RALGAPA2: variants seen among roughly 807,000 people sequenced by gnomAD.
RALGAPA2 encodes Ral GTPase activating protein catalytic subunit alpha 2.
RALGAPA2 carries 139 observed loss-of-function variants against 230.4 expected under a neutral mutation model. The ratio of observed to expected loss-of-function variants is 0.60; its 90% CI spans 0.53 to 0.69. The LOEUF (loss-of-function observed/expected upper bound fraction) is 0.69, where lower values mean the gene tolerates loss of function less well. Among genes scored for constraint, RALGAPA2 ranks in the 30% least tolerant of loss-of-function variants. The pLI, the probability that RALGAPA2 is intolerant of heterozygous loss-of-function variation, is 0.00. For missense variants in RALGAPA2, 2,163 were observed against 2,276.0 expected (o/e 0.95, Z 1.01); for synonymous variants, 847 against 837.8 (o/e 1.01, Z -0.19).
At chr20:20,409,184 C>T (rs2122744370) in intron 38 of RALGAPA2, among the ~76,000 whole-genome samples, 1 of 152,276 alleles carries the variant, frequency 6.6e-6, no homozygotes. Flanking sequence ...GGGCATTTTC[C>T]AACAGTGGAA....
chr20:20,515,285 A>G (rs1383562046), intron 31 of RALGAPA2, among the ~76,000 whole-genome samples: 2 of 152,222 alleles, frequency 1.3e-5, no homozygotes, highest in Non-Finnish European at 2.9e-5. Context: ...GCATAGGGCT[A>G]TAGAAGCAAA....
chr20:20,487,084 C>G (rs534620862), intron 36 of RALGAPA2, among the ~76,000 whole-genome samples: 1 of 135,588 alleles, frequency 7.4e-6, no homozygotes, highest in Non-Finnish European at 1.7e-5. Flanking sequence ...TTGATGCCTG[C>G]TCTGTCTCTT....
At position 20,412,117 on chromosome 20, in the gene RALGAPA2, T is replaced by C; in HGVS notation, c.5527A>G (p.Ile1843Val). Residue 1843 changes from isoleucine to valine, a missense_variant, in exon 38 of 40, where the codon ATA becomes GTA. Transcript: ENST00000202677. ...YEERALYLEA[I>V]IQNHREVMTF... ...ATTACTTCGCGGTGGTTCTGAATTA[T>C]TGCTTCGAGATACAGAGCTCGCTCT... 1 of 1,613,958 alleles carries C rather than the reference T, an allele frequency of 6.2e-7. No homozygotes were observed. Among genetic ancestry groups the C allele is most frequent in the Middle Eastern group, 1.7e-4 (1 of 6,060 alleles).
At chr20:20,421,849 T>A (rs2060282586) in intron 37 of RALGAPA2, among the ~76,000 whole-genome samples, 1 of 152,194 alleles carries the variant, frequency 6.6e-6, no homozygotes, top group African/African-American at 2.4e-5. Context: ...ATAGGAGCAT[T>A]ATTATTTACA....
chr20:20,425,934 T>A (rs1295926070), intron 37 of RALGAPA2, among the ~76,000 whole-genome samples: 1 of 152,210 alleles, frequency 6.6e-6, no homozygotes, highest in African/African-American at 2.4e-5. Flanking sequence ...CTGGCTCACT[T>A]AGGAAGAAGC....
intron 9 of RALGAPA2, among the ~76,000 whole-genome samples, chr20:20,635,070 T>A (rs757846069): frequency 6.6e-6 from 1 of 152,164 alleles, no homozygotes; most frequent in Non-Finnish European, 1.5e-5. Flanking sequence ...TTCCAGCTAC[T>A]GGGGCTTGGT....
At chr20:20,407,598 G>A (rs1288909844) in intron 38 of RALGAPA2, among the ~76,000 whole-genome samples, 1 of 152,172 alleles carries the variant, frequency 6.6e-6, no homozygotes, top group South Asian at 2.1e-4. Context: ...ATTTGCTTTG[G>A]GGCGAATGTG....
chr20:20,430,497 C>T (rs987264305), intron 37 of RALGAPA2, among the ~76,000 whole-genome samples: 1 of 152,174 alleles, frequency 6.6e-6, no homozygotes, highest in Non-Finnish European at 1.5e-5. Context: ...CAATTAAAAA[C>T]AGAAACACAG....
chr20:20,538,494 G>A (rs1473111266), intron 24 of RALGAPA2, among the ~76,000 whole-genome samples: 2 of 152,118 alleles, frequency 1.3e-5, no homozygotes, highest in African/African-American at 4.8e-5. Context: ...AAAGACTCCC[G>A]GGAAAAAGAC....
rs1479288465 is a variant in RALGAPA2, at chr20:20,657,997, C to A, written c.271-4410G>T. ...TGTTAGCACACAACAAAGAAAAACA[C>A]AGAATACAGCAAGACGATGTGTATC... On this transcript the variant is annotated intron_variant, in intron 3 of 39. Coordinates refer to ENST00000202677, the MANE Select transcript of RALGAPA2 (RefSeq NM_020343.4). Among the ~76,000 whole-genome samples, 4 of 152,162 alleles carry A rather than the reference C, an allele frequency of 2.6e-5. No homozygotes were observed. The East Asian group carries it at 5.8e-4, about 22-fold the overall frequency.
At chr20:20,576,284 T>C (rs1401602180) in intron 20 of RALGAPA2, among the ~76,000 whole-genome samples, 1 of 152,066 alleles carries the variant, frequency 6.6e-6, no homozygotes, top group African/African-American at 2.4e-5. Flanking sequence ...ATTTCCTTAG[T>C]TTTTAGGTAA....
intron 36 of RALGAPA2, among the ~76,000 whole-genome samples, chr20:20,484,940 T>G (rs1263455366): frequency 6.6e-6 from 1 of 152,216 alleles, no homozygotes; most frequent in Non-Finnish European, 1.5e-5. Context: ...ACCGATTTGC[T>G]GTAGCTTAAG....
chr20:20,614,022 A>G (rs1308524177), intron 13 of RALGAPA2, among the ~76,000 whole-genome samples: 1 of 152,204 alleles, frequency 6.6e-6, no homozygotes, highest in Non-Finnish European at 1.5e-5. Context: ...GTTCGCCACT[A>G]TATTCTCACA....
chr20:20,396,784 C>G, intron 38 of RALGAPA2, 50 bp from the exon 39 acceptor site: 1 of 1,116,322 alleles, frequency 9.0e-7, no homozygotes, highest in Non-Finnish European at 1.3e-6. Flanking sequence ...AACACCCCCA[C>G]AGCTCCAACT....
Position 20,612,935 on chromosome 20 carries a change from G to A in RALGAPA2, c.1689-1509C>T, listed in dbSNP as rs115672033. 8.5e-3 allele frequency among the ~76,000 whole-genome samples: 1,295 copies of A among 152,306 alleles called. 18 individuals carry two copies. The highest frequency in any genetic ancestry group is 0.03 in the African/African-American group (1,233 of 41,568). On this transcript the variant is annotated intron_variant, in intron 13 of 39. Coordinates refer to ENST00000202677, the MANE Select transcript of RALGAPA2 (RefSeq NM_020343.4). The stretch of plus-strand genomic sequence containing the variant: ...AGTTACAGATCCATCATGAGAATGT[G>A]ATGAGAACAACAGACATCGTAAGTT...
chr20:20,434,985 C>G lies in RALGAPA2; in HGVS notation c.5496-22837G>C, dbSNP rs529756436. Among the ~76,000 whole-genome samples, 5 of 152,340 alleles carry G rather than the reference C, an allele frequency of 3.3e-5. No homozygotes were observed. The South Asian group carries it at 1.0e-3, about 32-fold the overall frequency. The stretch of plus-strand genomic sequence containing the variant: ...GCATTCAAAGTGAACTTATGAAAAA[C>G]AAATCTACAAGTTATTCTCCTGTGT... On this transcript the variant is annotated intron_variant, in intron 37 of 39. Transcript: ENST00000202677.
chr20:20,538,259 A>T (rs2063549771), intron 24 of RALGAPA2, among the ~76,000 whole-genome samples: 1 of 152,228 alleles, frequency 6.6e-6, no homozygotes, highest in South Asian at 2.1e-4. Flanking sequence ...ATTCCATGGG[A>T]TGAGGCAAGG....
At chr20:20,710,536 C>A (rs936902744) in intron 1 of RALGAPA2, among the ~76,000 whole-genome samples, 1 of 152,136 alleles carries the variant, frequency 6.6e-6, no homozygotes, top group African/African-American at 2.4e-5. Flanking sequence ...GGCCACTCCA[C>A]TAGTAAGTAT....
At chr20:20,633,424 T>C (rs1475709006) in intron 9 of RALGAPA2, among the ~76,000 whole-genome samples, 2 of 151,950 alleles carry the variant, frequency 1.3e-5, no homozygotes, top group Non-Finnish European at 2.9e-5. Context: ...CGAGAGCCAC[T>C]GCGCCCAGCC....
Sources: allele counts gnomAD v4.1 joint callset (sites outside exome capture counted in the v4.1 genomes callset), GRCh38; gene constraint gnomAD v4.1.1; transcripts MANE v1.5; gene names NCBI Gene and HGNC (gene_info 2026-07-23, HGNC 2026-07-21).